The following CDH18 variants were observed in gnomAD, a reference collection of about 807,000 sequenced individuals.
CDH18 encodes the protein cadherin-18.
Under a neutral mutation model 67.9 loss-of-function variants are expected in CDH18, and 31 were observed. The observed-to-expected ratio is 0.46, with a 90% CI of 0.34 to 0.62. The LOEUF (loss-of-function observed/expected upper bound fraction) is 0.62. Among genes scored for constraint, CDH18 ranks in the 20% least tolerant of loss-of-function variants. The pLI is 0.01. For missense variants in CDH18, 890 were observed against 975.5 expected (o/e 0.91, Z 1.17); for synonymous variants, 362 against 347.2 (o/e 1.04, Z -0.48).
intron 8 of CDH18, among the ~76,000 whole-genome samples, chr5:19,555,411 TTG>T (rs1381443185): frequency 2.6e-5 from 4 of 152,136 alleles, no homozygotes; most frequent in Admixed American, 6.5e-5. Context: ...GGAAATAAAC[TTG>T]GTGATGTTGG....
At chr5:19,601,523 C>T (rs559624672) in intron 6 of CDH18, among the ~76,000 whole-genome samples, 80 of 151,876 alleles carry the variant, frequency 5.3e-4, no homozygotes, top group Non-Finnish European at 1.0e-3. Context: ...ATTCTACTAA[C>T]CATTTAAAGG....
intron 1 of CDH18, among the ~76,000 whole-genome samples, chr5:20,298,586 T>C (rs149438549): frequency 9.9e-5 from 15 of 152,222 alleles, no homozygotes; most frequent in Admixed American, 2.0e-4. Context: ...GCTCTCAAAA[T>C]AGGGTTAATA....
intron 2 of CDH18, among the ~76,000 whole-genome samples, chr5:19,858,464 G>A (rs1443678123): frequency 1.3e-5 from 2 of 152,102 alleles, no homozygotes; most frequent in Non-Finnish European, 2.9e-5. Context: ...ATCAAGTTGT[G>A]GCTTGATAGC....
intron 9 of CDH18, among the ~76,000 whole-genome samples, chr5:19,543,245 G>C (rs1255283059): frequency 6.6e-6 from 1 of 151,952 alleles, no homozygotes; most frequent in South Asian, 2.1e-4. Flanking sequence ...TATGATTCCA[G>C]AAGTATTACG....
intron 4 of CDH18, among the ~76,000 whole-genome samples, chr5:19,743,477 T>C (rs1269779467): frequency 6.6e-6 from 1 of 152,174 alleles, no homozygotes; most frequent in African/African-American, 2.4e-5. Flanking sequence ...AGCTCTGCCA[T>C]TGCCGTGCCA....
intron 9 of CDH18, among the ~76,000 whole-genome samples, chr5:19,538,013 A>G (rs2127034071): frequency 6.6e-6 from 1 of 152,346 alleles, no homozygotes; most frequent in Non-Finnish European, 1.5e-5. Context: ...AAAGGTAAAA[A>G]GTATTGATAG....
intron 2 of CDH18, among the ~76,000 whole-genome samples, chr5:19,918,255 A>G (rs117712185): frequency 6.6e-6 from 1 of 152,330 alleles, no homozygotes; most frequent in East Asian, 1.9e-4. Context: ...CATGACAACA[A>G]TTTGACTGTC....
At chr5:19,637,167 T>G (rs568626660) in intron 5 of CDH18, among the ~76,000 whole-genome samples, 1 of 151,540 alleles carries the variant, frequency 6.6e-6, no homozygotes, top group Non-Finnish European at 1.5e-5. Context: ...TTTCTTTCTT[T>G]CTTCCTTCCT....
At chr5:19,897,989 G>A (rs754716834) in intron 2 of CDH18, among the ~76,000 whole-genome samples, 7 of 151,994 alleles carry the variant, frequency 4.6e-5, no homozygotes, top group African/African-American at 7.2e-5. Flanking sequence ...TCATTGAGTC[G>A]TACTTATGAT....
At chr5:19,571,274 C>G (rs1409657352) in intron 8 of CDH18, among the ~76,000 whole-genome samples, 2 of 152,136 alleles carry the variant, frequency 1.3e-5, no homozygotes, top group Non-Finnish European at 2.9e-5. Flanking sequence ...AATAGATTCT[C>G]TAGTTTGTGA....
Position 19,612,497 on chromosome 5 carries a change from C to T in CDH18, c.748G>A (p.Gly250Arg). Residue 250 changes from glycine (G) to arginine (R), a missense_variant, in exon 6 of 13, where the codon GGA becomes AGA. Physicochemically the swap from Gly to Arg is moderately radical, Grantham distance 125. Transcript: ENST00000382275. Reference protein sequence around the residue: ...DMAGQVGGLSGSTTVNITLTD... With the variant: ...DMAGQVGGLSRSTTVNITLTD... ...AAGGTGATGTTGACTGTTGTAGATC[C>T]TGAAAGCCCTCCAACTTGCCCAGCC... 1 of 1,613,946 alleles carries T rather than the reference C, an allele frequency of 6.2e-7. No individual in the cohort carries two copies. Among genetic ancestry groups the T allele is most frequent in the Non-Finnish European group, 8.5e-7 (1 of 1,179,960 alleles).
At chr5:19,582,137 CTTA>C (rs1188002339) in intron 7 of CDH18, among the ~76,000 whole-genome samples, 1 of 151,682 alleles carries the variant, frequency 6.6e-6, no homozygotes, top group Admixed American at 6.6e-5. Context: ...AGAAAGTATG[CTTA>C]TTATTATTTA....
rs147763794 is a variant in CDH18, at chr5:19,546,551, G to A, written c.1254-2546C>T. On this transcript the variant is annotated intron_variant, in intron 8 of 12. Coordinates refer to ENST00000382275, the MANE Select transcript of CDH18 (RefSeq NM_004934.5). Reference sequence around the variant, plus strand: ...AGTATGAGGAAAAGATGAAAAGCTGGGTAGAAATATAGGGTAGGTGTGGTG... The same window carrying A: ...AGTATGAGGAAAAGATGAAAAGCTGAGTAGAAATATAGGGTAGGTGTGGTG... Among the ~76,000 whole-genome samples the A allele has an allele frequency of 1.5e-3, 230 of 152,178 alleles. 1 individual carries two copies. Among genetic ancestry groups the A allele is most frequent in the African/African-American group, 5.1e-3 (212 of 41,516 alleles).
intron 2 of CDH18, among the ~76,000 whole-genome samples, chr5:19,923,012 C>T (rs78253340): frequency 1.1e-3 from 175 of 152,224 alleles, no homozygotes; most frequent in African/African-American, 4.0e-3. Context: ...GATAAAGTGA[C>T]GTCTCTGTAC....
chr5:20,031,319 G>T (rs1315838744), intron 2 of CDH18, among the ~76,000 whole-genome samples: 2 of 152,064 alleles, frequency 1.3e-5, no homozygotes, highest in African/African-American at 4.8e-5. Flanking sequence ...AAAAGTAGTG[G>T]TTTAAAATTT....
chr5:20,520,052 G>A (rs923906803), intron 1 of CDH18, among the ~76,000 whole-genome samples: 1 of 138,146 alleles, frequency 7.2e-6, no homozygotes, highest in Non-Finnish European at 1.5e-5. Flanking sequence ...CTGACCCCTC[G>A]GTCTTCCAAA....
chr5:19,628,161 G>T (rs1003126152), intron 5 of CDH18, among the ~76,000 whole-genome samples: 1 of 152,078 alleles, frequency 6.6e-6, no homozygotes, highest in Non-Finnish European at 1.5e-5. Context: ...AGATCTGATA[G>T]TTTTATAAGG....
chr5:20,510,285 G>A (rs960762391), intron 1 of CDH18, among the ~76,000 whole-genome samples: 48 of 152,168 alleles, frequency 3.2e-4, no homozygotes, highest in African/African-American at 1.1e-3. Context: ...TACATGGCTT[G>A]AATATTGACC....
chr5:20,468,949 A>T (rs777069080), intron 1 of CDH18, among the ~76,000 whole-genome samples: 24 of 152,202 alleles, frequency 1.6e-4, no homozygotes, highest in Admixed American at 6.5e-4. Context: ...AGAATTCACA[A>T]ATGTTAGTTA....
Sources: gnomAD v4.1 joint callset for allele counts (sites outside exome capture counted in the v4.1 genomes callset) on GRCh38, gnomAD v4.1.1 for gene constraint, MANE v1.5 for transcripts, NCBI Gene and HGNC (gene_info 2026-07-23, HGNC 2026-07-21) for gene names.